Variants in CLCN1 observed in about 807,000 individuals in gnomAD.
CLCN1 encodes chloride voltage-gated channel 1.
A neutral mutation model predicts 114.5 loss-of-function variants in CLCN1; 100 were observed. That is an observed-to-expected ratio of 0.87 (90% CI 0.74 to 1.03). CLCN1 has a LOEUF of 1.03. Ranked by LOEUF, CLCN1 falls within the 50% of genes least tolerant of loss-of-function variation. The probability of loss-of-function intolerance (pLI) is 0.00; values close to 1 mark genes in which losing one functional copy is unlikely to be tolerated. For synonymous variants in CLCN1, 485 were observed against 487.1 expected, an observed-to-expected ratio of 1.00 and a Z score of 0.06; for missense variants, 1,188 against 1,250.0, an observed-to-expected ratio of 0.95 and a Z score of 0.75.
chr7:143,347,477 C>T (rs762727024), intron 20 of CLCN1, among the ~76,000 whole-genome samples: 11 of 151,820 alleles, frequency 7.2e-5, no homozygotes, highest in African/African-American at 1.5e-4. Flanking sequence ...AAAAATAAGC[C>T]GGGCATGGTG....
intron 8 of CLCN1, 89 bp downstream of exon 8, chr7:143,330,986 A>G: frequency 6.3e-7 from 1 of 1,580,844 alleles, no homozygotes; most frequent in Non-Finnish European, 8.7e-7. Flanking sequence ...CAGTTCAGAA[A>G]AGGAATAATG....
Position 143,342,358 on chromosome 7 carries a change from T to C in CLCN1, c.1797-14T>C, listed in dbSNP as rs931137879. The C allele has an allele frequency of 1.2e-6, 2 of 1,614,008 alleles. No homozygotes were observed. The highest frequency in any genetic ancestry group is 2.7e-5 in the African/African-American group (2 of 74,938). ...TACGGTGGGGCTAACCCACCATGCTTTCTCCCTCCATAGCAAATATACCAT... is the reference window on the plus strand; with the variant it reads ...TACGGTGGGGCTAACCCACCATGCTCTCTCCCTCCATAGCAAATATACCAT... On this transcript the variant is annotated splice_polypyrimidine_tract_variant and intron_variant, in intron 15 of 22. Coordinates refer to ENST00000343257, the MANE Select transcript of CLCN1 (RefSeq NM_000083.3).
intron 20 of CLCN1, among the ~76,000 whole-genome samples, chr7:143,347,286 A>G (rs1348292300): frequency 6.6e-6 from 1 of 152,118 alleles, no homozygotes; most frequent in East Asian, 1.9e-4. Context: ...TGGCACCAGG[A>G]GGCTGGCACT....
At chr7:143,328,755 C>A (rs1802642708) in intron 7 of CLCN1, among the ~76,000 whole-genome samples, 1 of 152,150 alleles carries the variant, frequency 6.6e-6, no homozygotes, top group Non-Finnish European at 1.5e-5. Flanking sequence ...ATGTGAAGAG[C>A]AGGGCAGAAG....
chr7:143,345,193 ATG>A (rs1184406742), intron 16 of CLCN1, among the ~76,000 whole-genome samples: 4 of 152,150 alleles, frequency 2.6e-5, no homozygotes, highest in Non-Finnish European at 5.9e-5. Context: ...ATGGCTTCTC[ATG>A]TTTCTTTTTA....
chr7:143,348,980 A>T (rs1002725871), intron 20 of CLCN1, among the ~76,000 whole-genome samples: 21 of 152,254 alleles, frequency 1.4e-4, no homozygotes, highest in Non-Finnish European at 2.9e-4. Flanking sequence ...AAGTGAAGAT[A>T]ATGATAGAGT....
rs776173406 is a variant in CLCN1 at position 143,323,318 on chromosome 7, G to T, written c.706G>T (p.Val236Phe). Residue 236 changes from valine (V) to phenylalanine (F), a missense_variant, in exon 6 of 23, where the codon GTC becomes TTC. By Grantham distance (50) the Val-to-Phe change is conservative. Transcript: ENST00000343257. ...GIPVGKEGPFVHIASICAAVL... is the reference protein window; with the variant it reads ...GIPVGKEGPFFHIASICAAVL... ...GCTCCCCCTCTCCCAGGGCCCCTTCGTCCACATTGCCAGCATCTGTGCTGC... is the reference window on the plus strand; with the variant it reads ...GCTCCCCCTCTCCCAGGGCCCCTTCTTCCACATTGCCAGCATCTGTGCTGC... 2 of 1,612,356 alleles carry T rather than the reference G, an allele frequency of 1.2e-6. No individual in the cohort carries two copies. Among genetic ancestry groups the T allele is most frequent in the African/African-American group, 1.3e-5 (1 of 74,786 alleles).
At chr7:143,331,035 T>G (rs1045614546) in intron 8 of CLCN1, 138 bp downstream of exon 8, 1 of 1,332,824 alleles carries the variant, frequency 7.5e-7, no homozygotes, top group African/African-American at 1.4e-5. Flanking sequence ...GGCCCAAGGG[T>G]GTATGACAAA....
chr7:143,351,949 A>G lies in CLCN1; in HGVS notation c.2951A>G (p.Asp984Gly). ...SLRSTDEEDEDELIL is the reference protein window; with the variant it reads ...SLRSTDEEDEGELIL ...CGATCCACAGACGAGGAGGATGAGG[A>G]TGAACTGATCCTTTGACCCCCTCCC... Residue 984 changes from aspartate (D) to glycine (G), a missense_variant, in exon 23 of 23, where the codon GAT (aspartate) becomes GGT (glycine). Transcript: ENST00000343257. The G allele has an allele frequency of 6.2e-7, 1 of 1,612,918 alleles. No homozygotes were observed. Among genetic ancestry groups the G allele is most frequent in the Non-Finnish European group, 8.5e-7 (1 of 1,180,028 alleles).
intron 16 of CLCN1, 107 bp downstream of exon 16, chr7:143,342,612 A>G (rs1803116744): frequency 1.8e-6 from 2 of 1,121,930 alleles, no homozygotes; most frequent in Admixed American, 1.9e-5. Flanking sequence ...GGGCCATCCA[A>G]TGTGCTATGT....
In CLCN1 at chr7:143,351,887, A is replaced by G. The variant is rs1319244496; in HGVS notation, c.2889A>G (p.Glu963=). Residue 963 remains glutamate (E), a synonymous_variant, in exon 23 of 23, where the codon GAA becomes GAG. Transcript: ENST00000343257. ...AGCTGGTGGAGAGTCCAGGGCTGGA[A>G]GAGGAGCTGGCCGACATCTTGCAGG... is the stretch of plus-strand genomic sequence containing the variant. ...ELELVESPGL[E]EELADILQGP... 6.2e-7 allele frequency: 1 copy of G among 1,614,112 alleles called. No individual in the cohort carries two copies. The highest frequency in any genetic ancestry group is 8.5e-7 in the Non-Finnish European group (1 of 1,180,024).
intron 1 of CLCN1, among the ~76,000 whole-genome samples, chr7:143,316,939 C>T (rs904947150): frequency 1.3e-5 from 2 of 152,164 alleles, no homozygotes; most frequent in African/African-American, 4.8e-5. Context: ...GCTTTTAGGT[C>T]GCAAGATGAT....
At chr7:143,317,446 G>C (rs1396752662) in intron 1 of CLCN1, among the ~76,000 whole-genome samples, 1 of 151,962 alleles carries the variant, frequency 6.6e-6, no homozygotes, top group Non-Finnish European at 1.5e-5. Flanking sequence ...ACGGGGTTTT[G>C]CCATGTTGGC....
intron 7 of CLCN1, among the ~76,000 whole-genome samples, chr7:143,328,968 TTC>T (rs1491567208): frequency 0.017 from 633 of 37,686 alleles, 26 homozygotes; most frequent in Middle Eastern, 0.042. Flanking sequence ...TTTTCTTTCT[TTC>T]TTTTTTTTTT....
Position 143,321,875 on chromosome 7 carries a change from G to A in CLCN1, c.696+27G>A. On this transcript the variant is annotated intron_variant, in intron 5 of 22. Coordinates refer to ENST00000343257, the MANE Select transcript of CLCN1 (RefSeq NM_000083.3). This position sits in a 1 kb window ranked among gnomAD's most constrained non-coding sequence, Gnocchi z 4.2. ...TAGGCCTGGCATGACTGAAGCCAGA[G>A]CTGGGAGGGGCCCTCAGGAGCCAGG... 6.2e-7 allele frequency: 1 copy of A among 1,611,676 alleles called. No homozygotes were observed. The highest frequency in any genetic ancestry group is 1.7e-5 in the Admixed American group (1 of 59,684).
chr7:143,350,405 C>A lies in CLCN1; in HGVS notation c.2437C>A (p.Pro813Thr), dbSNP rs139881658. 5.2e-5 allele frequency: 84 copies of A among 1,614,032 alleles called. No individual in the cohort carries two copies. Among genetic ancestry groups the A allele is most frequent in the Non-Finnish European group, 6.3e-5 (74 of 1,179,998 alleles). Residue 813 changes from proline (P) to threonine (T), a missense_variant, in exon 21 of 23, where the codon CCT becomes ACT. Coordinates refer to ENST00000343257, the MANE Select transcript of CLCN1 (RefSeq NM_000083.3). The surrounding 1 kb of genome is among the most constrained non-coding windows in gnomAD (Gnocchi z 5.1). ...EAWEQEQLSQ[P>T]VCFDSCCIDQ... ...CTGGGAGCAGGAGCAGCTGAGCCAG[C>A]CTGTCTGTTTTGATTCCTGCTGTAT...
In CLCN1 at chr7:143,332,744, C is replaced by T. The variant is rs755652532; in HGVS notation, c.1272C>T (p.Ile424=). The change falls in exon 12 of 23, where the codon ATC becomes ATT. Residue 424 remains isoleucine (I), a synonymous_variant. Transcript: ENST00000343257. ...CCCAGTTGATGCCCCGCGAAGCCAT[C>T]AGTACTTTGTTTGACAACAATACAT... The part of the protein sequence containing the change: ...MAGELMPREA[I]STLFDNNTWV... The T allele has an allele frequency of 6.2e-7, 1 of 1,614,190 alleles. No homozygotes were observed. Among genetic ancestry groups the T allele is most frequent in the Admixed American group, 1.7e-5 (1 of 60,024 alleles).
chr7:143,317,311 C>T (rs1295948781), intron 1 of CLCN1, among the ~76,000 whole-genome samples: 1 of 134,310 alleles, frequency 7.4e-6, no homozygotes, highest in Non-Finnish European at 1.5e-5. Context: ...TGCAGTGGTG[C>T]TATCTTGGCT....
At chr7:143,338,430 C>G (rs1014608930) in intron 12 of CLCN1, among the ~76,000 whole-genome samples, 2 of 152,128 alleles carry the variant, frequency 1.3e-5, no homozygotes, top group Non-Finnish European at 2.9e-5. Context: ...TTCTATGACC[C>G]CATTGAAGCT....
Sources: gnomAD v4.1 joint callset for allele counts (sites outside exome capture counted in the v4.1 genomes callset) on GRCh38, gnomAD v4.1.1 for gene constraint, Gnocchi (gnomAD v3.1) non-coding constraint, MANE v1.5 for transcripts, NCBI Gene and HGNC (gene_info 2026-07-23, HGNC 2026-07-21) for gene names.